The following KIF1A variants were observed in gnomAD, a reference collection of about 807,000 sequenced individuals.
KIF1A encodes kinesin family member 1A.
A neutral mutation model predicts 227.3 loss-of-function variants in KIF1A; 46 were observed. That is an observed-to-expected ratio of 0.20 (90% CI 0.16 to 0.26). The LOEUF (loss-of-function observed/expected upper bound fraction) is 0.26, where lower values mean the gene tolerates loss of function less well. KIF1A is among the 10% of genes least tolerant of loss of function. The probability of loss-of-function intolerance (pLI) is 1.00; values close to 1 mark genes in which losing one functional copy is unlikely to be tolerated. For synonymous variants in KIF1A, 1,022 were observed against 1,012.8 expected (o/e 1.01, Z -0.17); for missense variants, 1,683 against 2,485.9 (o/e 0.68, Z 6.87).
chr2:240,761,293 A>G lies in KIF1A; in HGVS notation c.2201T>C (p.Leu734Pro), dbSNP rs1279451688. ...KWYQFTSLRD[L>P]LWGNAIFLKE... ...GAGGAAGATGGCGTTGCCCCACAGC[A>G]GGTCCCGCAGAGACGTGAACTGGTA... Residue 734 changes from leucine to proline, a missense_variant, in exon 24 of 49, where the codon CTG (leucine) becomes CCG (proline). Coordinates refer to ENST00000498729, the MANE Select transcript of KIF1A (RefSeq NM_001244008.2). 2.5e-6 allele frequency: 4 copies of G among 1,613,812 alleles called. No individual in the cohort carries two copies. The highest frequency in any genetic ancestry group is 3.4e-6 in the Non-Finnish European group (4 of 1,179,860).
intron 1 of KIF1A, among the ~76,000 whole-genome samples, chr2:240,819,819 C>T (rs968809727): frequency 5.3e-5 from 8 of 151,964 alleles, no homozygotes; most frequent in Non-Finnish European, 1.2e-4. Flanking sequence ...CCGAGGGCGA[C>T]CCCCGCCCGC....
intron 15 of KIF1A, among the ~76,000 whole-genome samples, chr2:240,770,581 C>T (rs1279236632): frequency 6.6e-6 from 1 of 152,234 alleles, no homozygotes; most frequent in Admixed American, 6.5e-5. Flanking sequence ...CAAGCACCCA[C>T]TCACACAATT....
At chr2:240,808,613 G>T (rs373763669) in intron 1 of KIF1A, among the ~76,000 whole-genome samples, 1 of 151,842 alleles carries the variant, frequency 6.6e-6, no homozygotes, top group South Asian at 2.1e-4. Flanking sequence ...TCGAGGCTGC[G>T]GTGAGCTAAT....
intron 27 of KIF1A, among the ~76,000 whole-genome samples, chr2:240,751,228 C>T (rs1316787617): frequency 6.6e-6 from 1 of 152,162 alleles, no homozygotes; most frequent in Non-Finnish European, 1.5e-5. Flanking sequence ...ATAGCTGCTG[C>T]GTTCCCTGTG....
chr2:240,784,224 C>T (rs757178223), intron 7 of KIF1A, among the ~76,000 whole-genome samples: 12 of 152,204 alleles, frequency 7.9e-5, no homozygotes, highest in East Asian at 1.9e-4. Context: ...AGCCACCACA[C>T]GGGCCATGGC....
rs761958120 is a variant in KIF1A, at chr2:240,741,321, T to C, written c.3697A>G (p.Lys1233Glu). ...TRPCPGPCHC[K>E]YDLLVYFEIC... is the part of the protein sequence containing the mutation. Reference sequence around the variant, plus strand: ...TCGAAGTAGACCAGCAGGTCGTACTTGCAGTGGCAGGGTCCCGGACAGGGC... The same window carrying C: ...TCGAAGTAGACCAGCAGGTCGTACTCGCAGTGGCAGGGTCCCGGACAGGGC... Residue 1233 changes from lysine to glutamate, a missense_variant, in exon 35 of 49, where the codon AAG becomes GAG. Lys to Glu is a moderately conservative substitution (Grantham distance 56). Transcript: ENST00000498729. 1.2e-6 allele frequency: 2 copies of C among 1,600,570 alleles called. No individual in the cohort carries two copies. The highest frequency in any genetic ancestry group is 1.7e-6 in the Non-Finnish European group (2 of 1,176,226).
chr2:240,780,434 G>A (rs189452181), intron 10 of KIF1A, among the ~76,000 whole-genome samples: 16 of 152,004 alleles, frequency 1.1e-4, no homozygotes, highest in East Asian at 7.7e-4. Context: ...CTGCTTCCCC[G>A]CCTTCTCCAC....
chr2:240,745,708 C>A lies in KIF1A; in HGVS notation c.3374+30G>T, dbSNP rs371215477. On this transcript the variant is annotated intron_variant, in intron 31 of 48. Transcript: ENST00000498729. ...CCTTGGGCACAGAGTCCCTGCGCAG[C>A]GCAGGGACACAAAGGCAGCAGGGCC... The A allele has an allele frequency of 3.1e-6, 5 of 1,604,464 alleles. No individual in the cohort carries two copies. The Admixed American group carries it at 8.5e-5, about 27-fold the overall frequency.
chr2:240,722,836 G>A (rs946989668), intron 42 of KIF1A, among the ~76,000 whole-genome samples, 180 bp from the exon 43 acceptor site: 3 of 152,136 alleles, frequency 2.0e-5, no homozygotes, highest in South Asian at 2.1e-4. Context: ...CTGGCGCCCC[G>A]GGGCTGACAG....
chr2:240,799,115 C>T (rs1486286806), intron 1 of KIF1A, among the ~76,000 whole-genome samples: 1 of 152,236 alleles, frequency 6.6e-6, no homozygotes, highest in Non-Finnish European at 1.5e-5. Context: ...TCTGGGCTGC[C>T]CCTGGAAGCT....
At chr2:240,779,261 GTTCCTCACTCAC>G (rs1301553664) in intron 10 of KIF1A, among the ~76,000 whole-genome samples, 1 of 123,084 alleles carries the variant, frequency 8.1e-6, no homozygotes, top group Non-Finnish European at 1.8e-5. Context: ...TCCACACTCA[GTTCCTCACTCAC>G]TTCCTCACTC....
Position 240,775,816 on chromosome 2 carries a change from G to C in KIF1A, c.958+35C>G. On this transcript the variant is annotated intron_variant, in intron 11 of 48. Transcript: ENST00000498729. The surrounding 1 kb of genome is among the most constrained non-coding windows in gnomAD (Gnocchi z 5.5). ...AAGGGCACAGCCCAGGGTGGGATCA[G>C]AGCCCTGGGGACAGGCAAACCCACA... The C allele has an allele frequency of 2.1e-6, 3 of 1,431,066 alleles. No individual in the cohort carries two copies. Among genetic ancestry groups the C allele is most frequent in the South Asian group, 1.1e-5 (1 of 87,326 alleles). 88.6% of individuals were successfully genotyped at this position (1,431,066 alleles called of 1,614,324 possible).
chr2:240,810,934 T>A (rs572742691), intron 1 of KIF1A, among the ~76,000 whole-genome samples: 17 of 152,346 alleles, frequency 1.1e-4, no homozygotes, highest in Middle Eastern at 3.4e-3. Context: ...TGGTGAGCCC[T>A]CTGCCAGTGC....
chr2:240,785,248 C>A (rs1387112360), intron 6 of KIF1A, 148 bp from the exon 7 acceptor site: 1 of 653,612 alleles, frequency 1.5e-6, no homozygotes, highest in Non-Finnish European at 2.7e-6. Context: ...GCACTGATGG[C>A]GCCTCCTGCC....
chr2:240,729,850 C>T (rs942200702), intron 38 of KIF1A, among the ~76,000 whole-genome samples: 1 of 152,220 alleles, frequency 6.6e-6, no homozygotes, highest in African/African-American at 2.4e-5. Context: ...CTTTCCAGAC[C>T]ACTGTCCCCT....
intron 17 of KIF1A, among the ~76,000 whole-genome samples, chr2:240,768,382 G>A (rs557860273): frequency 1.3e-5 from 2 of 152,342 alleles, no homozygotes; most frequent in African/African-American, 4.8e-5. Flanking sequence ...GGCCCTTCCT[G>A]TCTCCGGACC....
intron 10 of KIF1A, 54 bp downstream of exon 10, chr2:240,782,536 A>G: frequency 1.3e-6 from 2 of 1,540,680 alleles, no homozygotes; most frequent in Non-Finnish European, 1.8e-6. Flanking sequence ...AATGCAGGGC[A>G]GACACCGCCA....
chr2:240,797,935 A>G, intron 1 of KIF1A, 123 bp from the exon 2 acceptor site: 1 of 558,518 alleles, frequency 1.8e-6, no homozygotes, highest in Non-Finnish European at 3.2e-6. Flanking sequence ...TGATACATGC[A>G]TGGGGTGGAA....
Position 240,758,337 on chromosome 2 carries a change from C to T in KIF1A, c.2582+23G>A. The T allele has an allele frequency of 6.2e-7, 1 of 1,602,006 alleles. No individual in the cohort carries two copies. Among genetic ancestry groups the T allele is most frequent in the Non-Finnish European group, 8.5e-7 (1 of 1,174,174 alleles). ...TCTCTCTCTCAATCTCTCTCTCTGC[C>T]AAGGAAGGGAGGAGGCGCCCACCTG... On this transcript the variant is annotated intron_variant, in intron 26 of 48. Coordinates refer to ENST00000498729, the MANE Select transcript of KIF1A (RefSeq NM_001244008.2). The surrounding 1 kb of genome is among the most constrained non-coding windows in gnomAD (Gnocchi z 5.2).
Sources: allele counts gnomAD v4.1 joint callset (sites outside exome capture counted in the v4.1 genomes callset), GRCh38; gene constraint gnomAD v4.1.1; non-coding constraint Gnocchi (gnomAD v3.1); transcripts MANE v1.5; gene names NCBI Gene and HGNC (gene_info 2026-07-23, HGNC 2026-07-21).